Variants in THUMPD2 observed in about 807,000 individuals in gnomAD.
THUMPD2 encodes U6 snRNA (guanine-N(2))-methyltransferase THUMPD2.
In THUMPD2, 56 loss-of-function variants were observed where a neutral mutation model predicts 49.4. That is an observed-to-expected ratio of 1.13 (90% CI 0.91 to 1.41). The LOEUF (loss-of-function observed/expected upper bound fraction) is 1.41. THUMPD2 is among the 40% of genes most tolerant of loss of function. The probability of loss-of-function intolerance (pLI) is 0.00; values close to 1 mark genes in which losing one functional copy is unlikely to be tolerated. For missense variants in THUMPD2, 709 were observed against 594.5 expected, an observed-to-expected ratio of 1.19 and a Z score of -2.00; for synonymous variants, 237 against 205.2, an observed-to-expected ratio of 1.15 and a Z score of -1.32.
chr2:39,748,266 T>TA (rs1189960493), intron 8 of THUMPD2, among the ~76,000 whole-genome samples: 1 of 152,218 alleles, frequency 6.6e-6, no homozygotes, highest in Admixed American at 6.5e-5. Flanking sequence ...TTTGGCTGAT[T>TA]TACAGAGTAA....
At chr2:39,774,162 G>T (rs977592602) in intron 1 of THUMPD2, among the ~76,000 whole-genome samples, 8 of 152,246 alleles carry the variant, frequency 5.3e-5, no homozygotes, top group Non-Finnish European at 1.2e-4. Context: ...GCTAGTTCCC[G>T]CCTTGTGCCC....
rs1375679699 is a variant in THUMPD2 at position 39,753,196 on chromosome 2, C to T, written c.1078+2099G>A. Among the ~76,000 whole-genome samples the T allele has an allele frequency of 3.3e-5, 5 of 152,152 alleles. No homozygotes were observed. The East Asian group carries it at 7.7e-4, about 23-fold the overall frequency. ...ATTAGCCAAACTGCTCAAGAAAATG[C>T]TCTAAACTAGTTGTTTTCAAGTTAC... On this transcript the variant is annotated intron_variant, in intron 8 of 9. Coordinates refer to ENST00000505747, the MANE Select transcript of THUMPD2 (RefSeq NM_025264.5).
chr2:39,758,594 T>G (rs1676425523), intron 6 of THUMPD2, among the ~76,000 whole-genome samples: 1 of 152,134 alleles, frequency 6.6e-6, no homozygotes, highest in Admixed American at 6.5e-5. Context: ...GGTCAGTGAA[T>G]AGAGAAGCTT....
intron 8 of THUMPD2, among the ~76,000 whole-genome samples, chr2:39,749,709 A>G (rs930300267): frequency 1.3e-5 from 2 of 152,136 alleles, no homozygotes; most frequent in African/African-American, 4.8e-5. Context: ...CCACCTTGGT[A>G]ATAAGACCAG....
rs887199214 is a variant in THUMPD2 at position 39,755,888 on chromosome 2, C to G, written c.963+1G>C. ...TTGCTTTACCAAACTTTAGAACTTA[C>G]TGGCCATTCTTTAGCAGCTTCCAAA... is the stretch of plus-strand genomic sequence containing the variant. On this transcript the variant is annotated splice_donor_variant, in intron 7 of 9. Transcript: ENST00000505747. LOFTEE classifies it high-confidence loss of function. The G allele has an allele frequency of 4.3e-6, 7 of 1,613,584 alleles. No homozygotes were observed. The highest frequency in any genetic ancestry group is 3.3e-5 in the Admixed American group (2 of 59,994).
At chr2:39,765,113 C>G (rs963936112) in intron 5 of THUMPD2, among the ~76,000 whole-genome samples, 5 of 152,090 alleles carry the variant, frequency 3.3e-5, no homozygotes, top group Admixed American at 1.3e-4. Context: ...TGGTAAGAAT[C>G]TAATTAATAC....
At position 39,769,885 on chromosome 2, in the gene THUMPD2, T is replaced by A; in HGVS notation, c.497A>T (p.Gln166Leu). The change falls in exon 3 of 10, where the codon CAA becomes CTA. Residue 166 changes from glutamine (Q) to leucine (L), a missense_variant. By Grantham distance (113) the Gln-to-Leu change is moderately radical. Coordinates refer to ENST00000505747, the MANE Select transcript of THUMPD2 (RefSeq NM_025264.5). ...TTGCTCCAGAGTTTCTTCTTTTATTTGTTTTTCCAGCTGGCAGTCCCTATT... is the reference window on the plus strand; with the variant it reads ...TTGCTCCAGAGTTTCTTCTTTTATTAGTTTTTCCAGCTGGCAGTCCCTATT... ...EENRDCQLEK[Q>L]IKEETLEQRD... 1 of 1,599,958 alleles carries A rather than the reference T, an allele frequency of 6.3e-7. No homozygotes were observed. The highest frequency in any genetic ancestry group is 8.5e-7 in the Non-Finnish European group (1 of 1,176,456).
Position 39,779,145 on chromosome 2 carries a change from C to G in THUMPD2, c.95G>C (p.Arg32Pro), listed in dbSNP as rs781475297. The G allele has an allele frequency of 3.9e-6, 6 of 1,520,098 alleles. No individual in the cohort carries two copies. In the South Asian group the frequency reaches 4.9e-5, roughly 12 times the overall value. The allele number at this position is 1,520,098 out of a possible 1,614,324, so 94.2% of individuals were successfully genotyped here. The change falls in exon 1 of 10, where the codon CGA (arginine) becomes CCA (proline). Residue 32 changes from arginine to proline, a missense_variant. Arg to Pro is a moderately radical substitution (Grantham distance 103). Transcript: ENST00000505747. Reference protein sequence around the residue: ...AGRGLEPFVMREVRARLAATQ... With the variant: ...AGRGLEPFVMPEVRARLAATQ... ...GGCCGCCAGCCGCGCCCGCACCTCT[C>G]GCATTACGAACGGCTCCAGGCCGCG...
chr2:39,744,219 T>C (rs1023579340), intron 9 of THUMPD2, 151 bp downstream of exon 9: 2 of 483,188 alleles, frequency 4.1e-6, no homozygotes, highest in Non-Finnish European at 3.7e-6. Flanking sequence ...ATTTCAATTA[T>C]AAACTTCTGA....
intron 6 of THUMPD2, among the ~76,000 whole-genome samples, chr2:39,758,171 G>T (rs1444438665): frequency 1.3e-5 from 2 of 152,124 alleles, no homozygotes; most frequent in African/African-American, 4.8e-5. Context: ...AAATGTGTAG[G>T]TGATTATATA....
intron 9 of THUMPD2, among the ~76,000 whole-genome samples, chr2:39,738,041 G>A (rs1366585203): frequency 6.6e-6 from 1 of 152,134 alleles, no homozygotes; most frequent in Non-Finnish European, 1.5e-5. Context: ...CAGGCCTTGA[G>A]GTAAAGATAC....
chr2:39,739,260 C>T (rs1056205073), intron 9 of THUMPD2, among the ~76,000 whole-genome samples: 2 of 152,138 alleles, frequency 1.3e-5, no homozygotes, highest in African/African-American at 4.8e-5. Context: ...CCTTACCTAC[C>T]TTTTTGATGT....
chr2:39,744,620 C>A, intron 8 of THUMPD2, 142 bp from the exon 9 acceptor site: 1 of 497,960 alleles, frequency 2.0e-6, no homozygotes, highest in South Asian at 3.7e-5. Context: ...AAAGTAATTA[C>A]AAGATCCCAA....
chr2:39,747,019 ATT>A (rs1674685416), intron 8 of THUMPD2, among the ~76,000 whole-genome samples: 1 of 152,082 alleles, frequency 6.6e-6, no homozygotes, highest in African/African-American at 2.4e-5. Flanking sequence ...GATTTTCTCC[ATT>A]TCTCAGCCAA....
rs1675967079 is a variant in THUMPD2, at chr2:39,755,381, C to G, written c.992G>C (p.Ser331Thr). Residue 331 changes from serine to threonine, a missense_variant, in exon 8 of 10, where the codon AGC becomes ACC. Physicochemically the swap from Ser to Thr is moderately conservative, Grantham distance 58 (BLOSUM62 1). Coordinates refer to ENST00000505747, the MANE Select transcript of THUMPD2 (RefSeq NM_025264.5). ...CCAAGTACCTAGTAACTGTGAGTCG[C>G]TGACATCAGCACCTACATAATACAC... Reference protein sequence around the residue: ...PDVYYVGADVSDSQLLGTWDN... With the variant: ...PDVYYVGADVTDSQLLGTWDN... 2 of 1,560,692 alleles carry G rather than the reference C, an allele frequency of 1.3e-6. No individual in the cohort carries two copies. Among genetic ancestry groups the G allele is most frequent in the African/African-American group, 2.8e-5 (2 of 70,472 alleles).
At chr2:39,762,225 T>G (rs1676912756) in intron 5 of THUMPD2, among the ~76,000 whole-genome samples, 1 of 152,206 alleles carries the variant, frequency 6.6e-6, no homozygotes. Context: ...TGGGTTTGTC[T>G]TGGGGTTGGC....
At chr2:39,765,915 T>C in intron 5 of THUMPD2, 142 bp downstream of exon 5, 1 of 692,062 alleles carries the variant, frequency 1.4e-6, no homozygotes, top group Non-Finnish European at 2.5e-6. Context: ...AAATACTTTA[T>C]TGTCTTAAGC....
At chr2:39,770,181 T>A in intron 2 of THUMPD2, 62 bp from the exon 3 acceptor site, 1 of 1,191,224 alleles carries the variant, frequency 8.4e-7, no homozygotes, top group Non-Finnish European at 1.1e-6. Context: ...ATTACAATCA[T>A]CACCCTCAAA....
intron 9 of THUMPD2, among the ~76,000 whole-genome samples, chr2:39,737,722 G>A (rs1422036263): frequency 2.0e-5 from 3 of 152,204 alleles, no homozygotes; most frequent in Non-Finnish European, 4.4e-5. Flanking sequence ...GGACAGAGGA[G>A]AGAATTTCCC....
Sources: allele counts gnomAD v4.1 joint callset (sites outside exome capture counted in the v4.1 genomes callset), GRCh38; gene constraint gnomAD v4.1.1; transcripts MANE v1.5; gene names NCBI Gene and HGNC (gene_info 2026-07-23, HGNC 2026-07-21).